RP9: variants seen among roughly 807,000 people sequenced by gnomAD.
The protein encoded by RP9 is retinitis pigmentosa 9 protein.
Under a neutral mutation model 32.6 loss-of-function variants are expected in RP9, and 23 were observed. The observed-to-expected ratio is 0.71, with a 90% CI of 0.51 to 1.00. The LOEUF (loss-of-function observed/expected upper bound fraction) is 1.00, where lower values mean the gene tolerates loss of function less well. Ranked by LOEUF, RP9 falls within the 50% of genes least tolerant of loss-of-function variation. RP9 has a pLI of 0.00. For missense variants in RP9, 245 were observed against 285.3 expected (o/e 0.86, Z 1.02); for synonymous variants, 94 against 103.6 (o/e 0.91, Z 0.56).
intron 2 of RP9, among the ~76,000 whole-genome samples, chr7:33,099,764 A>G (rs66617822): frequency 0.5 from 75,802 of 151,780 alleles, 19,209 homozygotes; most frequent in African/African-American, 0.57. Flanking sequence ...ACCTCAAAAT[A>G]TAGAATTAAA....
chr7:33,104,759 T>C (rs1788474873), intron 1 of RP9, among the ~76,000 whole-genome samples: 1 of 152,204 alleles, frequency 6.6e-6, no homozygotes, highest in South Asian at 2.1e-4. Flanking sequence ...TTTTAAATTT[T>C]TTGTAGAGAC....
At chr7:33,095,522 A>G in intron 5 of RP9, 90 bp from the exon 6 acceptor site, 6 of 1,567,452 alleles carry the variant, frequency 3.8e-6, no homozygotes, top group Non-Finnish European at 4.3e-6. Flanking sequence ...AAAGCAGTAT[A>G]GGATGATGAA....
intron 1 of RP9, among the ~76,000 whole-genome samples, chr7:33,104,997 T>C (rs978579777): frequency 6.6e-6 from 1 of 152,192 alleles, no homozygotes; most frequent in Non-Finnish European, 1.5e-5. Context: ...TCCAATGCAC[T>C]CTTTCATAGG....
chr7:33,100,061 C>A, intron 2 of RP9: 1 of 181,158 alleles, frequency 5.5e-6, no homozygotes. Flanking sequence ...CACTCTAAGT[C>A]TCCCTCGTGC....
At chr7:33,102,530 A>G (rs535810466) in intron 1 of RP9, among the ~76,000 whole-genome samples, 1 of 152,356 alleles carries the variant, frequency 6.6e-6, no homozygotes, top group East Asian at 1.9e-4. Context: ...ATTTTGTGCC[A>G]TCTGAAAAGC....
At chr7:33,103,851 G>A (rs775224031) in intron 1 of RP9, among the ~76,000 whole-genome samples, 2 of 151,768 alleles carry the variant, frequency 1.3e-5, no homozygotes, top group Non-Finnish European at 2.9e-5. Context: ...AAATATGGTT[G>A]AGATTCAAGA....
At chr7:33,095,546 A>C in intron 5 of RP9, 114 bp from the exon 6 acceptor site, 2 of 1,517,160 alleles carry the variant, frequency 1.3e-6, no homozygotes, top group Non-Finnish European at 1.8e-6. Context: ...CCATGTCACA[A>C]AGACAGTATT....
intron 1 of RP9, among the ~76,000 whole-genome samples, chr7:33,107,299 T>C (rs1788512482): frequency 1.3e-5 from 2 of 152,220 alleles, no homozygotes; most frequent in Non-Finnish European, 2.9e-5. Flanking sequence ...GGTCAATGTA[T>C]GCTTGATCAC....
At chr7:33,102,158 A>C (rs1034937624) in intron 1 of RP9, among the ~76,000 whole-genome samples, 6 of 152,338 alleles carry the variant, frequency 3.9e-5, no homozygotes, top group South Asian at 2.1e-4. Flanking sequence ...TGGTTTCACA[A>C]GTTTAAAGAA....
At chr7:33,098,140 C>T (rs1396673680) in intron 3 of RP9, among the ~76,000 whole-genome samples, 3 of 152,010 alleles carry the variant, frequency 2.0e-5, no homozygotes, top group Non-Finnish European at 2.9e-5. Flanking sequence ...AATCCTAGCA[C>T]TTTGGGAGGC....
At chr7:33,096,578 G>A (rs1365862772) in intron 4 of RP9, 24 bp from the exon 5 acceptor site, 1 of 1,531,718 alleles carries the variant, frequency 6.5e-7, no homozygotes, top group South Asian at 1.1e-5. Context: ...GAAGGTTAAG[G>A]TTTGGTTAGG....
In RP9 at chr7:33,109,352, G is replaced by A. The variant is rs1309147314; in HGVS notation, c.21C>T (p.Arg7=). 1.4e-6 allele frequency: 2 copies of A among 1,436,252 alleles called. No homozygotes were observed. Among genetic ancestry groups the A allele is most frequent in the African/African-American group, 1.5e-5 (1 of 66,684 alleles). 89.0% of individuals were successfully genotyped at this position (1,436,252 alleles called of 1,614,324 possible). Residue 7 remains arginine (R), a synonymous_variant, in exon 1 of 6, where the codon CGC becomes CGT. Transcript: ENST00000297157. This position sits in a 1 kb window ranked among gnomAD's most constrained non-coding sequence, Gnocchi z 4.9. The stretch of plus-strand genomic sequence containing the variant: ...GCGCGCCCGCAGCCCCCACGTCCTC[G>A]CGCCCAGGCCGGGACGACATGTCAG... MSSRPG[R]EDVGAAGARR...
intron 1 of RP9, among the ~76,000 whole-genome samples, chr7:33,105,220 G>A (rs1341450537): frequency 6.6e-6 from 1 of 152,104 alleles, no homozygotes; most frequent in Non-Finnish European, 1.5e-5. Context: ...AGTTATGTGT[G>A]GAAAAAGTAC....
intron 5 of RP9, among the ~76,000 whole-genome samples, 190 bp from the exon 6 acceptor site, chr7:33,095,622 G>A (rs1788320783): frequency 6.6e-6 from 1 of 152,136 alleles, no homozygotes; most frequent in Non-Finnish European, 1.5e-5. Context: ...TGAAACCAGT[G>A]TACAAGCCAC....
intron 3 of RP9, among the ~76,000 whole-genome samples, chr7:33,098,848 T>C (rs1216363184): frequency 2.0e-5 from 3 of 152,128 alleles, no homozygotes; most frequent in African/African-American, 7.2e-5. Context: ...GTAACAGCCA[T>C]AGGATTTGTT....
In RP9 at chr7:33,109,380, C is replaced by T. The variant is rs1177993782; in HGVS notation, c.-8G>A. On this transcript the variant is annotated 5_prime_UTR_variant, in exon 1 of 6. Transcript: ENST00000297157. The surrounding 1 kb of genome is among the most constrained non-coding windows in gnomAD (Gnocchi z 4.9). Reference sequence around the variant, plus strand: ...CCCAGGCCGGGACGACATGTCAGCCCCCGCAGCGCCGCTCGGGCAACCCCC... The same window carrying T: ...CCCAGGCCGGGACGACATGTCAGCCTCCGCAGCGCCGCTCGGGCAACCCCC... The T allele has an allele frequency of 1.5e-5, 19 of 1,268,880 alleles. No individual in the cohort carries two copies. Among genetic ancestry groups the T allele is most frequent in the East Asian group, 1.1e-4 (3 of 26,410 alleles). 78.6% of individuals were successfully genotyped at this position (1,268,880 alleles called of 1,614,324 possible).
chr7:33,105,657 A>G (rs1584004680), intron 1 of RP9, among the ~76,000 whole-genome samples: 1 of 152,200 alleles, frequency 6.6e-6, no homozygotes, highest in African/African-American at 2.4e-5. Context: ...CATTCCAGAA[A>G]GGGTCCTGCC....
intron 1 of RP9, 46 bp from the exon 2 acceptor site, chr7:33,100,607 A>G (rs1056182066): frequency 8.6e-6 from 13 of 1,505,290 alleles, no homozygotes; most frequent in Middle Eastern, 1.7e-4. Context: ...TAATGTAAAC[A>G]TAACACATCA....
rs1202404962 is a variant in RP9, at chr7:33,106,959, AAACC to A, written c.152+2258_152+2261del. Among the ~76,000 whole-genome samples, 3 of 152,054 alleles carry A rather than the reference AAACC, an allele frequency of 2.0e-5. No homozygotes were observed. The East Asian group carries it at 5.8e-4, about 29-fold the overall frequency. ...ACTCCATCTCAAAAAAAAAAAACAA[AAACC>A]AAACAGTTAAATCCCAGAAGTAAAA... On this transcript the variant is annotated intron_variant, in intron 1 of 5. Transcript: ENST00000297157.
Sources: allele counts gnomAD v4.1 joint callset (sites outside exome capture counted in the v4.1 genomes callset), GRCh38; gene constraint gnomAD v4.1.1; non-coding constraint Gnocchi (gnomAD v3.1); transcripts MANE v1.5; gene names NCBI Gene and HGNC (gene_info 2026-07-23, HGNC 2026-07-21).